The following LIMA1 variants were observed in gnomAD, a reference collection of about 807,000 sequenced individuals.
LIMA1 encodes LIM domain and actin binding 1.
Under a neutral mutation model 62.6 loss-of-function variants are expected in LIMA1, and 52 were observed. The observed-to-expected ratio is 0.83, with a 90% CI of 0.67 to 1.05. LIMA1 has a LOEUF of 1.05. LIMA1 is among the 50% of genes least tolerant of loss of function. The probability of loss-of-function intolerance (pLI) is 0.00; values close to 1 mark genes in which losing one functional copy is unlikely to be tolerated. For missense variants in LIMA1, 780 were observed against 902.2 expected, an observed-to-expected ratio of 0.86 and a Z score of 1.74; for synonymous variants, 302 against 317.8, an observed-to-expected ratio of 0.95 and a Z score of 0.53.
chr12:50,225,384 T>G (rs1189436906), intron 3 of LIMA1, among the ~76,000 whole-genome samples: 2 of 152,198 alleles, frequency 1.3e-5, no homozygotes, highest in African/African-American at 2.4e-5. Flanking sequence ...TCTCCCAACC[T>G]AGATACCCAG....
At chr12:50,194,946 G>A (rs1345157307) in intron 8 of LIMA1, among the ~76,000 whole-genome samples, 2 of 152,100 alleles carry the variant, frequency 1.3e-5, no homozygotes, top group South Asian at 2.1e-4. Flanking sequence ...TACTCAGGAA[G>A]CTGAGACAGG....
chr12:50,182,125 G>A, intron 9 of LIMA1, 88 bp from the exon 10 acceptor site: 17 of 1,465,290 alleles, frequency 1.2e-5, no homozygotes, highest in Non-Finnish European at 1.5e-5. Context: ...TTTGTCTAAG[G>A]GCTCCCTTAG....
At chr12:50,274,440 T>A (rs1229941842) in intron 1 of LIMA1, among the ~76,000 whole-genome samples, 1 of 152,032 alleles carries the variant, frequency 6.6e-6, no homozygotes, top group Non-Finnish European at 1.5e-5. Flanking sequence ...AAAATTTAGC[T>A]GGGTGTGGTG....
intron 10 of LIMA1, among the ~76,000 whole-genome samples, chr12:50,178,972 T>A (rs933897768): frequency 1.3e-5 from 2 of 150,244 alleles, no homozygotes; most frequent in African/African-American, 4.9e-5. Context: ...ATATATTTTT[T>A]TTTTCTTTTT....
intron 3 of LIMA1, among the ~76,000 whole-genome samples, chr12:50,227,985 G>A (rs1025455016): frequency 4.6e-5 from 7 of 151,090 alleles, no homozygotes; most frequent in Non-Finnish European, 8.8e-5. Context: ...TCAGCCTCCC[G>A]AGTAGCTAGG....
rs1312470242 is a variant in LIMA1 at position 50,211,742 on chromosome 12, G to A, written c.631-5674C>T. ...TTCCAAGTGGTAATCTGAGGTACAG[G>A]AAGAAGGAGGGGTTTCCTCCAATAT... is the stretch of plus-strand genomic sequence containing the variant. On this transcript the variant is annotated intron_variant, in intron 4 of 10. Transcript: ENST00000341247. 2.0e-5 allele frequency among the ~76,000 whole-genome samples: 3 copies of A among 152,038 alleles called. No homozygotes were observed. In the East Asian group the frequency reaches 5.8e-4, roughly 29 times the overall value.
intron 7 of LIMA1, 175 bp from the exon 8 acceptor site, chr12:50,196,062 T>C (rs1940924608): frequency 1.7e-6 from 1 of 574,720 alleles, no homozygotes; most frequent in African/African-American, 1.9e-5. Flanking sequence ...GGCAGCAAAA[T>C]GTCTTTTATG....
intron 1 of LIMA1, among the ~76,000 whole-genome samples, chr12:50,282,012 T>C (rs565358528): frequency 5.9e-5 from 9 of 152,214 alleles, no homozygotes; most frequent in African/African-American, 2.2e-4. Flanking sequence ...ACTCAATATT[T>C]TGTCCAAAGA....
At chr12:50,233,368 A>T (rs1941641099) in intron 2 of LIMA1, among the ~76,000 whole-genome samples, 1 of 152,236 alleles carries the variant, frequency 6.6e-6, no homozygotes, top group Admixed American at 6.5e-5. Flanking sequence ...CATTAATTCC[A>T]ACATATACAT....
intron 1 of LIMA1, among the ~76,000 whole-genome samples, chr12:50,263,547 A>G (rs995053250): frequency 7.2e-5 from 11 of 152,112 alleles, no homozygotes; most frequent in African/African-American, 2.4e-4. Context: ...GGTTTTTTCT[A>G]AAGTTTTTGT....
intron 1 of LIMA1, among the ~76,000 whole-genome samples, chr12:50,253,361 T>TACCGCCACTTTTAGCCA (rs1941953986): frequency 6.6e-6 from 1 of 152,236 alleles, no homozygotes; most frequent in Non-Finnish European, 1.5e-5. Context: ...GTCTTATATT[T>TACCGCCACTTTTAGCCA]ATGGTAACGA....
intron 1 of LIMA1, among the ~76,000 whole-genome samples, chr12:50,262,904 C>T (rs1197779270): frequency 1.3e-5 from 2 of 152,022 alleles, no homozygotes; most frequent in Non-Finnish European, 2.9e-5. Context: ...CTTATATTGC[C>T]CACTTCAATT....
chr12:50,204,405 G>A, intron 6 of LIMA1, 147 bp downstream of exon 6: 1 of 886,394 alleles, frequency 1.1e-6, no homozygotes, highest in Non-Finnish European at 1.6e-6. Flanking sequence ...TGCAAATCCA[G>A]CGAGGGTAGG....
At chr12:50,281,672 G>C (rs955951212) in intron 1 of LIMA1, among the ~76,000 whole-genome samples, 1 of 152,060 alleles carries the variant, frequency 6.6e-6, no homozygotes, top group Admixed American at 6.6e-5. Context: ...TTAACAACAG[G>C]GTCTAATCCC....
chr12:50,260,387 G>A (rs1170152356), intron 1 of LIMA1, among the ~76,000 whole-genome samples: 1 of 152,076 alleles, frequency 6.6e-6, no homozygotes, highest in Non-Finnish European at 1.5e-5. Context: ...GACCTCTAGT[G>A]AGCCACCCGC....
chr12:50,192,443 C>G lies in LIMA1; in HGVS notation c.1140+9G>C. On this transcript the variant is annotated intron_variant, in intron 9 of 10. Transcript: ENST00000341247. ...TGTCCAAAGGCTCAGAGAGAAATTG[C>G]CATCATACCTTCATTGCTTTGGGAG... The G allele has an allele frequency of 6.4e-7, 1 of 1,556,958 alleles. No homozygotes were observed. Among genetic ancestry groups the G allele is most frequent in the Non-Finnish European group, 8.9e-7 (1 of 1,127,976 alleles).
At chr12:50,208,936 T>G (rs2138503583) in intron 4 of LIMA1, among the ~76,000 whole-genome samples, 1 of 151,726 alleles carries the variant, frequency 6.6e-6, no homozygotes, top group East Asian at 1.9e-4. Context: ...TAATAATTTA[T>G]ATCCAGTCAG....
At chr12:50,251,682 G>A (rs1186375554) in intron 1 of LIMA1, among the ~76,000 whole-genome samples, 1 of 149,874 alleles carries the variant, frequency 6.7e-6, no homozygotes, top group Non-Finnish European at 1.5e-5. Flanking sequence ...TATTATTTGA[G>A]ATACCGAGCA....
chr12:50,193,486 G>GTA lies in LIMA1; in HGVS notation c.1031-927_1031-926dup, dbSNP rs1213207204. On this transcript the variant is annotated intron_variant, in intron 8 of 10. Coordinates refer to ENST00000341247, the MANE Select transcript of LIMA1 (RefSeq NM_016357.5). ...CCTACAAGAAATTTATATATATATAGTATATATATATCATATATGTGTATA... is the reference window on the plus strand; with the variant it reads ...CCTACAAGAAATTTATATATATATAGTATATATATATATCATATATGTGTATA... 7.5e-3 allele frequency among the ~76,000 whole-genome samples: 966 copies of GTA among 128,678 alleles called. 13 individuals are homozygous for GTA. The highest frequency in any genetic ancestry group is 0.027 in the African/African-American group (907 of 32,986). 84.4% of individuals were successfully genotyped at this position (128,678 alleles called of 152,430 possible).
Sources: allele counts gnomAD v4.1 joint callset (sites outside exome capture counted in the v4.1 genomes callset), GRCh38; gene constraint gnomAD v4.1.1; transcripts MANE v1.5; gene names NCBI Gene and HGNC (gene_info 2026-07-23, HGNC 2026-07-21).